The following CACNA1C variants were observed in gnomAD, a reference collection of about 807,000 sequenced individuals.
CACNA1C encodes calcium voltage-gated channel subunit alpha1 C.
In CACNA1C, 30 loss-of-function variants were observed where a neutral mutation model predicts 229.0. The observed-to-expected ratio is 0.13, with a 90% CI of 0.10 to 0.18. The LOEUF (loss-of-function observed/expected upper bound fraction) is 0.18, where lower values mean the gene tolerates loss of function less well. Among genes scored for constraint, CACNA1C ranks in the 10% least tolerant of loss-of-function variants. The pLI is 1.00. For synonymous variants in CACNA1C, 1,114 were observed against 1,132.5 expected (o/e 0.98, Z 0.33); for missense variants, 1,658 against 2,845.0 (o/e 0.58, Z 9.49).
At chr12:2,105,027 A>G (rs2077675134) in intron 1 of CACNA1C, among the ~76,000 whole-genome samples, 1 of 152,174 alleles carries the variant, frequency 6.6e-6, no homozygotes, top group Non-Finnish European at 1.5e-5. Context: ...CTCTCACCGA[A>G]GCAGTGTTGG....
chr12:2,044,383 A>G (rs1406251239), intron 1 of CACNA1C, among the ~76,000 whole-genome samples: 1 of 152,146 alleles, frequency 6.6e-6, no homozygotes, highest in African/African-American at 2.4e-5. Flanking sequence ...TACTGAGAAG[A>G]TATCCCTTTG....
intron 11 of CACNA1C, among the ~76,000 whole-genome samples, chr12:2,561,272 T>C (rs996249275): frequency 6.6e-6 from 1 of 152,166 alleles, no homozygotes; most frequent in Non-Finnish European, 1.5e-5. Flanking sequence ...TGGGAACTCA[T>C]TTCCTCTGGG....
chr12:2,115,565 C>T lies in CACNA1C; in HGVS notation c.371+20C>T. The T allele has an allele frequency of 6.2e-7, 1 of 1,611,180 alleles. No homozygotes were observed. The highest frequency in any genetic ancestry group is 8.5e-7 in the Non-Finnish European group (1 of 1,178,536). ...ATGGAAATATCCTTTGTTCACCGGGCTGGGCATGCTCCTGGGACCTGCACG... is the reference window on the plus strand; with the variant it reads ...ATGGAAATATCCTTTGTTCACCGGGTTGGGCATGCTCCTGGGACCTGCACG... On this transcript the variant is annotated intron_variant, in intron 2 of 46. Transcript: ENST00000399655.
chr12:2,153,070 A>C (rs768271287), intron 3 of CACNA1C, among the ~76,000 whole-genome samples: 3 of 152,226 alleles, frequency 2.0e-5, no homozygotes, highest in Non-Finnish European at 4.4e-5. Context: ...AGCAGAGTGA[A>C]GGGCTAGGAG....
At chr12:2,166,131 C>T (rs535477737) in intron 3 of CACNA1C, among the ~76,000 whole-genome samples, 30 of 152,300 alleles carry the variant, frequency 2.0e-4, no homozygotes, top group African/African-American at 6.7e-4. Flanking sequence ...AAATGTGTTA[C>T]ATCAGCCCTC....
chr12:2,465,304 T>G (rs988410529), intron 5 of CACNA1C, among the ~76,000 whole-genome samples: 19 of 152,130 alleles, frequency 1.2e-4, no homozygotes, highest in Non-Finnish European at 2.6e-4. Flanking sequence ...CAGAGAGGCA[T>G]GTGTATGATT....
At chr12:2,411,118 T>C (rs1452586997) in intron 3 of CACNA1C, among the ~76,000 whole-genome samples, 1 of 152,078 alleles carries the variant, frequency 6.6e-6, no homozygotes, top group Non-Finnish European at 1.5e-5. Context: ...TGTTGGGTAT[T>C]TCCAACTGTC....
chr12:2,128,433 CAG>C (rs772588704), intron 3 of CACNA1C, among the ~76,000 whole-genome samples: 2 of 151,640 alleles, frequency 1.3e-5, no homozygotes, highest in Admixed American at 6.6e-5. Flanking sequence ...TTTTTTGAGA[CAG>C]AGTCTCTCTC....
chr12:2,072,149 T>C (rs1253813445), intron 1 of CACNA1C, among the ~76,000 whole-genome samples: 1 of 151,610 alleles, frequency 6.6e-6, no homozygotes, highest in Non-Finnish European at 1.5e-5. Context: ...GGGGAAACTC[T>C]TCAAATGTAT....
At chr12:2,487,543 A>G (rs983787384) in intron 6 of CACNA1C, among the ~76,000 whole-genome samples, 4 of 151,076 alleles carry the variant, frequency 2.6e-5, no homozygotes, top group African/African-American at 9.8e-5. Flanking sequence ...AACCACACAC[A>G]CAAAACGTAT....
chr12:2,440,345 C>T (rs2099209458), intron 3 of CACNA1C, among the ~76,000 whole-genome samples: 2 of 152,180 alleles, frequency 1.3e-5, no homozygotes, highest in Non-Finnish European at 2.9e-5. Context: ...TTTGCCTACT[C>T]TAGATCTTTC....
At position 2,356,854 on chromosome 12, in the gene CACNA1C, C is replaced by T. The variant is rs958998590; in HGVS notation, c.478-92122C>T. ...TGCATTCCCATTCCACAGATGAGGC[C>T]GCTGGGGCACAGAGAGATTGTGTTG... On this transcript the variant is annotated intron_variant, in intron 3 of 46. Transcript: ENST00000399655. Among the ~76,000 whole-genome samples the T allele has an allele frequency of 2.0e-5, 3 of 152,292 alleles. 1 individual carries two copies. The highest frequency in any genetic ancestry group is 4.1e-4 in the South Asian group (2 of 4,826).
intron 37 of CACNA1C, 41 bp from the exon 38 acceptor site, chr12:2,668,892 C>T (rs778418267): frequency 2.2e-5 from 30 of 1,387,702 alleles, no homozygotes; most frequent in Middle Eastern, 1.8e-4. Context: ...CCCTAAGCAC[C>T]GCCTGCCATC....
intron 1 of CACNA1C, among the ~76,000 whole-genome samples, chr12:2,063,874 C>T (rs1252390751): frequency 1.3e-5 from 2 of 152,290 alleles, no homozygotes; most frequent in African/African-American, 4.8e-5. Flanking sequence ...CTATTTGAAT[C>T]CATTTTTAGT....
At chr12:2,641,527 G>T in intron 30 of CACNA1C, 1 of 587,826 alleles carries the variant, frequency 1.7e-6, no homozygotes, top group Non-Finnish European at 3.0e-6. Flanking sequence ...TCTCATTGCT[G>T]GAGCCTCCTG....
chr12:2,076,454 C>A (rs778539794), intron 1 of CACNA1C, among the ~76,000 whole-genome samples: 3 of 152,044 alleles, frequency 2.0e-5, no homozygotes, highest in Non-Finnish European at 4.4e-5. Context: ...CTTTTGGGAG[C>A]GGGCCATGTT....
intron 4 of CACNA1C, among the ~76,000 whole-genome samples, chr12:2,449,840 G>A (rs774407659): frequency 2.0e-4 from 30 of 152,322 alleles, no homozygotes; most frequent in Admixed American, 3.3e-4. Flanking sequence ...GGGGCAGCTC[G>A]TCCGTGAGCA....
intron 20 of CACNA1C, among the ~76,000 whole-genome samples, chr12:2,596,455 G>A (rs1313533693): frequency 6.6e-6 from 1 of 152,212 alleles, no homozygotes; most frequent in African/African-American, 2.4e-5. Context: ...ACCCACCCAA[G>A]GCTCTGGTGA....
intron 1 of CACNA1C, among the ~76,000 whole-genome samples, chr12:2,101,792 A>G (rs1289471102): frequency 6.6e-6 from 1 of 151,970 alleles, no homozygotes; most frequent in Non-Finnish European, 1.5e-5. Context: ...GGCCACCGAG[A>G]ATACTAAAAA....
Sources: allele counts gnomAD v4.1 joint callset (sites outside exome capture counted in the v4.1 genomes callset), GRCh38; gene constraint gnomAD v4.1.1; transcripts MANE v1.5; gene names NCBI Gene and HGNC (gene_info 2026-07-23, HGNC 2026-07-21).